RPGR: variants seen among roughly 807,000 people sequenced by gnomAD.
RPGR encodes the protein retinitis pigmentosa GTPase regulator.
RPGR carries 10 observed loss-of-function variants against 56.3 expected under a neutral mutation model. That is an observed-to-expected ratio of 0.18 (90% CI 0.11 to 0.30). The LOEUF is 0.30. Among genes scored for constraint, RPGR ranks in the 10% least tolerant of loss-of-function variants. RPGR has a pLI of 1.00. For missense variants in RPGR, 538 were observed against 590.9 expected (o/e 0.91, Z 0.93); for synonymous variants, 197 against 212.9 (o/e 0.93, Z 0.65).
intron 6 of RPGR, among the ~76,000 whole-genome samples, chrX:38,314,457 C>T (rs1324184190): frequency 9.0e-6 from 1 of 111,418 alleles, no homozygotes; most frequent in African/African-American, 3.3e-5. Context: ...ACTGCCAAGT[C>T]TCTATTCTCC....
intron 9 of RPGR, among the ~76,000 whole-genome samples, chrX:38,300,852 A>G (rs1165816639): frequency 6.2e-5 from 7 of 112,298 alleles, no homozygotes; most frequent in Non-Finnish European, 1.1e-4. Context: ...TTTGTTTATT[A>G]TCAGACTTTC....
intron 8 of RPGR, among the ~76,000 whole-genome samples, chrX:38,303,356 A>G (rs1424537882): frequency 9.0e-6 from 1 of 111,385 alleles, no homozygotes; most frequent in African/African-American, 3.3e-5. Context: ...CCCTCCAGGG[A>G]CGATTGATGA....
chrX:38,284,682 G>A, intron 15 of RPGR: 2 of 718,764 alleles, frequency 2.8e-6, no homozygotes, highest in Non-Finnish European at 3.3e-6. Flanking sequence ...TCCCTAAAAC[G>A]TTTCTTACAT....
intron 16 of RPGR, chrX:38,275,235 T>G: frequency 1.4e-6 from 1 of 714,249 alleles, no homozygotes; most frequent in Non-Finnish European, 2.2e-6. Context: ...GGTTCTAGAG[T>G]CTGCCTCTAG....
rs1355629574 is a variant in RPGR, at chrX:38,300,196, C to T, written c.1059+1051G>A. Among the ~76,000 whole-genome samples, 13 of 111,712 alleles carry T rather than the reference C, an allele frequency of 1.2e-4. No individual in the cohort carries two copies. The East Asian group carries it at 3.7e-3, about 32-fold the overall frequency. ...AACTCCTGACCTCAGTTGATCTGCA[C>T]GCCTCGGCCTCCCAAAGTGCTAGGA... is the stretch of plus-strand genomic sequence containing the variant. On this transcript the variant is annotated intron_variant, in intron 9 of 18. Coordinates refer to ENST00000642395, the MANE Select transcript of RPGR (RefSeq NM_000328.3).
At chrX:38,298,509 C>A in intron 10 of RPGR, 1 of 274,546 alleles carries the variant, frequency 3.6e-6, no homozygotes, top group South Asian at 3.6e-5. Flanking sequence ...TTCTGAACAA[C>A]ATAACATTGT....
chrX:38,270,381 G>A (rs1265106194), intron 18 of RPGR, among the ~76,000 whole-genome samples: 19 of 106,090 alleles, frequency 1.8e-4, no homozygotes, highest in African/African-American at 6.6e-4. Context: ...TTGGGAGGCC[G>A]AGGCGGGCAG....
chrX:38,285,357 C>T (rs1160731346), intron 15 of RPGR: 2 of 1,066,368 alleles, frequency 1.9e-6, no homozygotes, highest in African/African-American at 1.9e-5. Context: ...TGAGAGAGGC[C>T]AAAATTTACC....
intron 7 of RPGR, 159 bp from the exon 8 acceptor site, chrX:38,304,949 T>A: frequency 2.1e-6 from 1 of 478,525 alleles, no homozygotes; most frequent in Non-Finnish European, 3.6e-6. Context: ...AGTATAAATC[T>A]TTCAATGATG....
chrX:38,301,102 T>C, intron 9 of RPGR, 145 bp downstream of exon 9: 1 of 509,015 alleles, frequency 2.0e-6, no homozygotes, highest in Non-Finnish European at 3.1e-6. Flanking sequence ...TGTCTGACAT[T>C]TGGCTTTTAG....
In RPGR at chrX:38,291,420, A is replaced by G. The variant is rs1037093435; in HGVS notation, c.1479T>C (p.Leu493=). Residue 493 remains leucine (L), a synonymous_variant, in exon 12 of 19, where the codon CTT becomes CTC. Transcript: ENST00000642395. ...TGTTTAAGATATCAGTAGTTTCTCC[A>G]AGGCTTTCTACAGTTGAAGAATTAT... The G allele has an allele frequency of 3.5e-6, 4 of 1,159,003 alleles. No homozygotes were observed. The African/African-American group carries it at 5.3e-5, about 15-fold the overall frequency.
At chrX:38,296,732 A>T (rs2067391691) in intron 11 of RPGR, among the ~76,000 whole-genome samples, 1 of 111,890 alleles carries the variant, frequency 8.9e-6, no homozygotes, top group Admixed American at 9.5e-5. Flanking sequence ...AGGCTTAGAG[A>T]GGTTAAGTAA....
chrX:38,286,705 TCCA>T lies in RPGR; in HGVS notation c.1905+386_1905+388del. On this transcript the variant is annotated intron_variant, in intron 15 of 18. Coordinates refer to ENST00000642395, the MANE Select transcript of RPGR (RefSeq NM_000328.3). ...TCCTTCCTCCTTTTCACGTTCTCCCTCCACTTCTTCCCCTTCTCCTTCCTCTTT... is the reference window on the plus strand; with the variant it reads ...TCCTTCCTCCTTTTCACGTTCTCCCTCTTCTTCCCCTTCTCCTTCCTCTTT... 2.6e-6 allele frequency: 3 copies of T among 1,152,009 alleles called. No individual in the cohort carries two copies. The highest frequency in any genetic ancestry group is 3.3e-5 in the East Asian group (1 of 30,216). 94.9% of individuals were successfully genotyped at this position (1,152,009 alleles called of 1,213,427 possible). A position where few individuals can be genotyped will look rare whatever the true frequency, so the allele number is the denominator to read the frequency against.
At position 38,317,424 on chromosome X, in the gene RPGR, G is replaced by T; in HGVS notation, c.511C>A (p.Gln171Lys). ...TTACTTACATTTTTTAAACCAATTT[G>T]CCCTTCGGAATTGTCACCCCACATA... is the stretch of plus-strand genomic sequence containing the variant. Residue 171 changes from glutamine to lysine, a missense_variant, in exon 6 of 19, where the codon CAA (glutamine) becomes AAA (lysine). Gln to Lys is a moderately conservative substitution (Grantham distance 53). Coordinates refer to ENST00000642395, the MANE Select transcript of RPGR (RefSeq NM_000328.3). 1 of 1,209,331 alleles carries T rather than the reference G, an allele frequency of 8.3e-7. No individual in the cohort carries two copies. The highest frequency in any genetic ancestry group is 1.1e-6 in the Non-Finnish European group (1 of 893,730).
chrX:38,323,685 T>G (rs1211679354), intron 1 of RPGR, among the ~76,000 whole-genome samples, 161 bp from the exon 2 acceptor site: 2 of 112,359 alleles, frequency 1.8e-5, no homozygotes. Flanking sequence ...AATTCAGTCT[T>G]TCTTATTCCT....
chrX:38,292,823 T>C (rs999485952), intron 11 of RPGR, among the ~76,000 whole-genome samples: 18 of 111,110 alleles, frequency 1.6e-4, no homozygotes, highest in Middle Eastern at 4.6e-3. Context: ...CAGAGGTACA[T>C]AGAAAGATGA....
intron 9 of RPGR, among the ~76,000 whole-genome samples, chrX:38,300,131 G>A (rs933090836): frequency 1.3e-4 from 14 of 111,097 alleles, no homozygotes; most frequent in African/African-American, 4.6e-4. Context: ...TGTATTTTTA[G>A]TAGAGATGGG....
At chrX:38,320,861 G>A (rs373579326) in intron 4 of RPGR, among the ~76,000 whole-genome samples, 166 bp downstream of exon 4, 24 of 112,841 alleles carry the variant, frequency 2.1e-4, no homozygotes, top group African/African-American at 7.7e-4. Flanking sequence ...TGACATTTAC[G>A]TGTATATTTG....
At position 38,297,401 on chromosome X, in the gene RPGR, C is replaced by T; in HGVS notation, c.1297G>A (p.Gly433Arg). 1 of 1,207,956 alleles carries T rather than the reference C, an allele frequency of 8.3e-7. No individual in the cohort carries two copies. Among genetic ancestry groups the T allele is most frequent in the Non-Finnish European group, 1.1e-6 (1 of 892,968 alleles). ...AAACAAGCAGAAAGGCCAAGAGTCC[C>T]TTCTATTGGAGGTAGTGTTCTCCTC... The change falls in exon 11 of 19, where the codon GGG (glycine) becomes AGG (arginine). Residue 433 changes from glycine (G) to arginine (R), a missense_variant. Coordinates refer to ENST00000642395, the MANE Select transcript of RPGR (RefSeq NM_000328.3).
Sources: gnomAD v4.1 joint callset for allele counts (sites outside exome capture counted in the v4.1 genomes callset) on GRCh38, gnomAD v4.1.1 for gene constraint, MANE v1.5 for transcripts, NCBI Gene and HGNC (gene_info 2026-07-23, HGNC 2026-07-21) for gene names.